Variants in PRKG1 observed in about 807,000 individuals in gnomAD.
PRKG1 encodes protein kinase cGMP-dependent 1.
In PRKG1, 35 loss-of-function variants were observed where a neutral mutation model predicts 88.1. The observed-to-expected ratio is 0.40, with a 90% CI of 0.30 to 0.53. The LOEUF (loss-of-function observed/expected upper bound fraction) is 0.53. PRKG1 is among the 20% of genes least tolerant of loss of function. PRKG1 has a pLI of 0.59. For synonymous variants in PRKG1, 303 were observed against 292.5 expected (o/e 1.04, Z -0.37); for missense variants, 540 against 839.8 (o/e 0.64, Z 4.41).
In PRKG1 at chr10:51,063,679, G is replaced by A. The variant is rs148209617; in HGVS notation, c.266+72035G>A. 2.7e-3 allele frequency among the ~76,000 whole-genome samples: 404 copies of A among 152,146 alleles called. 1 individual carries two copies. Among genetic ancestry groups the A allele is most frequent in the African/African-American group, 9.2e-3 (383 of 41,538 alleles). ...GGTTATTACAAGTAACTATAAAAGT[G>A]GCAAGCTTCCATTTGCATCACTATC... On this transcript the variant is annotated intron_variant, in intron 1 of 17. Coordinates refer to the PRKG1 transcript ENST00000401604.
chr10:51,805,820 G>A (rs1292215308), intron 4 of PRKG1, among the ~76,000 whole-genome samples: 4 of 151,718 alleles, frequency 2.6e-5, no homozygotes, highest in Non-Finnish European at 4.4e-5. Flanking sequence ...ATGCTAAAGG[G>A]GTAATACAAT....
chr10:51,735,875 A>ATG (rs1299367895), intron 3 of PRKG1, among the ~76,000 whole-genome samples: 15 of 59,542 alleles, frequency 2.5e-4, no homozygotes, highest in African/African-American at 7.8e-4. Flanking sequence ...ATATATATAT[A>ATG]TATATGTATA....
At chr10:51,960,655 TAAGA>T (rs1227400085) in intron 5 of PRKG1, among the ~76,000 whole-genome samples, 1 of 152,152 alleles carries the variant, frequency 6.6e-6, no homozygotes, top group Non-Finnish European at 1.5e-5. Flanking sequence ...ACCAGAGTCT[TAAGA>T]AATCTGCCCT....
intron 1 of PRKG1, among the ~76,000 whole-genome samples, chr10:51,100,824 T>G (rs1467354115): frequency 6.6e-6 from 1 of 152,170 alleles, no homozygotes; most frequent in East Asian, 1.9e-4. Context: ...TTATGAATCT[T>G]GCAAGCAAGA....
chr10:51,255,184 T>C (rs898962877), intron 2 of PRKG1, among the ~76,000 whole-genome samples: 4 of 152,138 alleles, frequency 2.6e-5, no homozygotes, highest in Admixed American at 6.6e-5. Flanking sequence ...ATTTGTGGAA[T>C]TCAATTTCTA....
rs191102304 is a variant in PRKG1 at position 51,145,726 on chromosome 10, C to T, written c.312-7438C>T. The stretch of plus-strand genomic sequence containing the variant: ...AAAGAACAACAATTTTCTTTTTCCT[C>T]AATTAATATAAGCCTGCCCCATCTG... On this transcript the variant is annotated intron_variant, in intron 1 of 17. Coordinates refer to ENST00000373980, the MANE Select transcript of PRKG1 (RefSeq NM_006258.4). Among the ~76,000 whole-genome samples the T allele has an allele frequency of 5.3e-5, 8 of 152,220 alleles. No homozygotes were observed. In the East Asian group the frequency reaches 1.5e-3, roughly 29 times the overall value.
chr10:52,046,189 T>C (rs1269891434), intron 5 of PRKG1, among the ~76,000 whole-genome samples: 1 of 152,130 alleles, frequency 6.6e-6, no homozygotes, highest in African/African-American at 2.4e-5. Flanking sequence ...ACTGGGTTAA[T>C]TATATTGGAT....
intron 5 of PRKG1, among the ~76,000 whole-genome samples, chr10:52,005,748 G>C (rs1844717864): frequency 6.6e-6 from 1 of 152,154 alleles, no homozygotes; most frequent in South Asian, 2.1e-4. Context: ...AGGGTGGGCA[G>C]GTCCACCAAT....
At chr10:51,654,530 G>A (rs1840116260) in intron 3 of PRKG1, among the ~76,000 whole-genome samples, 1 of 151,798 alleles carries the variant, frequency 6.6e-6, no homozygotes, top group African/African-American at 2.4e-5. Flanking sequence ...TTTTTTATTA[G>A]TTTTGAGATT....
chr10:51,656,295 G>T (rs1175605449), intron 3 of PRKG1, among the ~76,000 whole-genome samples: 1 of 151,958 alleles, frequency 6.6e-6, no homozygotes, highest in African/African-American at 2.4e-5. Context: ...TGAACCACAG[G>T]GTATCAGGAA....
chr10:51,157,096 C>T (rs1037731243), intron 2 of PRKG1, among the ~76,000 whole-genome samples: 1 of 151,882 alleles, frequency 6.6e-6, no homozygotes, highest in Non-Finnish European at 1.5e-5. Flanking sequence ...AGTGTTATTG[C>T]ATACCTAAAT....
chr10:51,374,449 G>A (rs1383069127), intron 2 of PRKG1, among the ~76,000 whole-genome samples: 2 of 152,058 alleles, frequency 1.3e-5, no homozygotes, highest in African/African-American at 2.4e-5. Flanking sequence ...CAGAGTTAAC[G>A]CAGGTGTTTC....
In PRKG1 at chr10:51,542,611, C is replaced by T. The variant is rs1220761081; in HGVS notation, c.592+74775C>T. ...GGCCAGTGCCAATGCTCAACTGAGGCTGGAGCTCTGGTTCATAATTTTTTT... is the reference window on the plus strand; with the variant it reads ...GGCCAGTGCCAATGCTCAACTGAGGTTGGAGCTCTGGTTCATAATTTTTTT... On this transcript the variant is annotated intron_variant, in intron 3 of 17. Coordinates refer to ENST00000373980, the MANE Select transcript of PRKG1 (RefSeq NM_006258.4). Among the ~76,000 whole-genome samples, 4 of 152,160 alleles carry T rather than the reference C, an allele frequency of 2.6e-5. No homozygotes were observed. The East Asian group carries it at 5.8e-4, about 22-fold the overall frequency.
intron 3 of PRKG1, among the ~76,000 whole-genome samples, chr10:51,650,212 T>C (rs931054035): frequency 1.3e-5 from 2 of 152,160 alleles, no homozygotes; most frequent in African/African-American, 2.4e-5. Flanking sequence ...TTCCCTCTTG[T>C]GGAATCTGGA....
chr10:51,677,913 G>A (rs191603446), intron 3 of PRKG1, among the ~76,000 whole-genome samples: 1 of 152,258 alleles, frequency 6.6e-6, no homozygotes, highest in African/African-American at 2.4e-5. Flanking sequence ...TTGGTTTCAT[G>A]GTCAACCTCT....
At chr10:52,176,406 T>C (rs1385585673) in intron 9 of PRKG1, among the ~76,000 whole-genome samples, 1 of 152,074 alleles carries the variant, frequency 6.6e-6, no homozygotes, top group Non-Finnish European at 1.5e-5. Flanking sequence ...CATGCTGTTT[T>C]GGTTACTACA....
chr10:51,462,836 T>C (rs138252296), intron 2 of PRKG1, among the ~76,000 whole-genome samples: 1 of 152,298 alleles, frequency 6.6e-6, no homozygotes, highest in East Asian at 1.9e-4. Context: ...TTAAAATGAT[T>C]TGAATTTTTT....
At chr10:51,549,736 T>C (rs186776050) in intron 3 of PRKG1, among the ~76,000 whole-genome samples, 139 of 152,262 alleles carry the variant, frequency 9.1e-4, no homozygotes, top group African/African-American at 3.2e-3. Context: ...AGCTGCTCAG[T>C]GTCTTAAGAT....
chr10:51,114,601 C>A (rs1316046967), intron 1 of PRKG1, among the ~76,000 whole-genome samples: 1 of 152,122 alleles, frequency 6.6e-6, no homozygotes, highest in Non-Finnish European at 1.5e-5. Context: ...AACCTGGAAG[C>A]AATCAAGTAG....
Sources: gnomAD v4.1 joint callset for allele counts (sites outside exome capture counted in the v4.1 genomes callset) on GRCh38, gnomAD v4.1.1 for gene constraint, MANE v1.5 for transcripts, NCBI Gene and HGNC (gene_info 2026-07-23, HGNC 2026-07-21) for gene names.